PIEZO2: variants seen among roughly 807,000 people sequenced by gnomAD.
The protein encoded by PIEZO2 is piezo type mechanosensitive ion channel component 2.
A neutral mutation model predicts 337.3 loss-of-function variants in PIEZO2; 172 were observed. That is an observed-to-expected ratio of 0.51 (90% CI 0.45 to 0.58). The LOEUF is 0.58. PIEZO2 is among the 20% of genes least tolerant of loss of function. PIEZO2 has a pLI of 0.00. For synonymous variants in PIEZO2, 1,251 were observed against 1,228.5 expected (o/e 1.02, Z -0.38); for missense variants, 3,028 against 3,391.3 (o/e 0.89, Z 2.66).
At chr18:10,924,629 A>G (rs2031616718) in intron 3 of PIEZO2, among the ~76,000 whole-genome samples, 1 of 152,222 alleles carries the variant, frequency 6.6e-6, no homozygotes, top group African/African-American at 2.4e-5. Flanking sequence ...AAACAATTGC[A>G]TTTTTGCCCA....
rs2036616937 is a variant in PIEZO2 at position 11,028,500 on chromosome 18, A to T, written c.160+37627T>A. Among the ~76,000 whole-genome samples, 1 of 152,032 alleles carries T rather than the reference A, an allele frequency of 6.6e-6. No homozygotes were observed. Among genetic ancestry groups the T allele is most frequent in the South Asian group, 2.1e-4 (1 of 4,804 alleles). ...GGTCCCGAACTCCTGACCTCAGATG[A>T]TCCGCCAGCCTTGGACTCCCAAAGT... is the stretch of plus-strand genomic sequence containing the variant. On this transcript the variant is annotated intron_variant, in intron 2 of 55. Coordinates refer to ENST00000674853, the MANE Select transcript of PIEZO2 (RefSeq NM_001378183.1). This position sits in a 1 kb window ranked among gnomAD's most constrained non-coding sequence, Gnocchi z 4.8.
chr18:11,147,389 AGT>A (rs1473489447), intron 1 of PIEZO2, among the ~76,000 whole-genome samples: 1 of 152,154 alleles, frequency 6.6e-6, no homozygotes, highest in Non-Finnish European at 1.5e-5. Flanking sequence ...TCACTCACGA[AGT>A]GTGTTACAAA....
chr18:10,966,866 C>A (rs184269412), intron 3 of PIEZO2, among the ~76,000 whole-genome samples: 3 of 152,174 alleles, frequency 2.0e-5, no homozygotes, highest in East Asian at 1.9e-4. Flanking sequence ...TGAGAACATA[C>A]AATGTTTGGT....
At chr18:10,964,637 G>A (rs1392597698) in intron 3 of PIEZO2, among the ~76,000 whole-genome samples, 3 of 152,112 alleles carry the variant, frequency 2.0e-5, no homozygotes, top group Non-Finnish European at 4.4e-5. Flanking sequence ...GCAATTCAGG[G>A]CTATTACTCA....
chr18:11,011,167 T>G (rs1302516640), intron 2 of PIEZO2, among the ~76,000 whole-genome samples: 1 of 152,256 alleles, frequency 6.6e-6, no homozygotes, highest in Non-Finnish European at 1.5e-5. Flanking sequence ...ATTTTGTCTT[T>G]CTTTGATATT....
intron 47 of PIEZO2, among the ~76,000 whole-genome samples, chr18:10,694,051 T>C (rs970724553): frequency 3.3e-5 from 5 of 152,180 alleles, no homozygotes; most frequent in Non-Finnish European, 5.9e-5. Context: ...TGGGTTATTG[T>C]GTCTCTTCTG....
Position 10,853,422 on chromosome 18 carries a change from C to T in PIEZO2, c.917+1931G>A, listed in dbSNP as rs1291086571. On this transcript the variant is annotated intron_variant, in intron 7 of 55. Transcript: ENST00000674853. This position sits in a 1 kb window ranked among gnomAD's most constrained non-coding sequence, Gnocchi z 4.2. ...TCACTCATTCCTGCTCCAAAACTTG[C>T]CTCAGTCTCTCCTGCCTTATGCACC... 1.3e-5 allele frequency among the ~76,000 whole-genome samples: 2 copies of T among 152,212 alleles called. No homozygotes were observed. The highest frequency in any genetic ancestry group is 2.9e-5 in the Non-Finnish European group (2 of 68,040).
intron 17 of PIEZO2, among the ~76,000 whole-genome samples, chr18:10,782,444 A>C (rs1196077671): frequency 1.3e-5 from 1 of 76,060 alleles, no homozygotes; most frequent in Non-Finnish European, 2.4e-5. Context: ...TATATAATAT[A>C]TTATATAGTA....
At chr18:10,984,098 T>G (rs2034778917) in intron 2 of PIEZO2, among the ~76,000 whole-genome samples, 3 of 151,892 alleles carry the variant, frequency 2.0e-5, no homozygotes, top group Admixed American at 1.3e-4. Context: ...CTGGAGAAGG[T>G]GACTACTTCT....
At chr18:10,786,899 A>G in intron 16 of PIEZO2, 137 bp downstream of exon 16, 5 of 858,448 alleles carry the variant, frequency 5.8e-6, no homozygotes, top group Non-Finnish European at 8.6e-6. Context: ...AAAACGACTC[A>G]GTTTTAATTT....
At position 10,794,215 on chromosome 18, in the gene PIEZO2, G is replaced by A. The variant is rs554567656; in HGVS notation, c.1758+557C>T. Reference sequence around the variant, plus strand: ...AAATAAAACTGTTAAAATGGCCCATGAAAGCAAATAAGTAATGAGAAGAGT... The same window carrying A: ...AAATAAAACTGTTAAAATGGCCCATAAAAGCAAATAAGTAATGAGAAGAGT... On this transcript the variant is annotated intron_variant, in intron 13 of 55. Transcript: ENST00000674853. This position sits in a 1 kb window ranked among gnomAD's most constrained non-coding sequence, Gnocchi z 6.6. Among the ~76,000 whole-genome samples, 206 of 151,662 alleles carry A rather than the reference G, an allele frequency of 1.4e-3. 1 individual carries two copies. Among genetic ancestry groups the A allele is most frequent in the African/African-American group, 4.7e-3 (194 of 41,300 alleles).
rs1615665 is a variant in PIEZO2 at position 10,821,894 on chromosome 18, G to A, written c.918-14620C>T. ...TTGTTTGTAAATTTAAACGTGATTA[G>A]AGTCATTGATTACAAATGCAATAGT... is the stretch of plus-strand genomic sequence containing the variant. On this transcript the variant is annotated intron_variant, in intron 7 of 55. Coordinates refer to ENST00000674853, the MANE Select transcript of PIEZO2 (RefSeq NM_001378183.1). This position sits in a 1 kb window ranked among gnomAD's most constrained non-coding sequence, Gnocchi z 4.2. Among the ~76,000 whole-genome samples, 62,387 of 151,960 alleles carry A rather than the reference G, an allele frequency of 0.41. 13,071 individuals carry two copies. Among genetic ancestry groups the A allele is most frequent in the African/African-American group, 0.49 (20,381 of 41,424 alleles).
chr18:10,807,688 AT>A lies in PIEZO2; in HGVS notation c.918-415del, dbSNP rs559174326. On this transcript the variant is annotated intron_variant, in intron 7 of 55. Transcript: ENST00000674853. ...TACTAGTCCAGCTAAATGAGCAAAT[AT>A]TTTGTTTTTGGCTAGGTTCAGCATT... Among the ~76,000 whole-genome samples, 711 of 152,262 alleles carry A rather than the reference AT, an allele frequency of 4.7e-3. 7 individuals are homozygous for A. The highest frequency in any genetic ancestry group is 0.016 in the African/African-American group (658 of 41,558).
chr18:10,811,903 C>A (rs4530202), intron 7 of PIEZO2, among the ~76,000 whole-genome samples: 1 of 152,336 alleles, frequency 6.6e-6, no homozygotes, highest in African/African-American at 2.4e-5. Flanking sequence ...GTGCGATCTC[C>A]GCTCACTGCG....
chr18:10,807,460 T>C (rs568753010), intron 7 of PIEZO2, among the ~76,000 whole-genome samples, 186 bp from the exon 8 acceptor site: 21 of 152,272 alleles, frequency 1.4e-4, no homozygotes, highest in African/African-American at 5.1e-4. Flanking sequence ...TGGACATGTA[T>C]GTATAATATG....
intron 2 of PIEZO2, among the ~76,000 whole-genome samples, chr18:11,061,746 G>A (rs1300456529): frequency 1.3e-5 from 2 of 152,088 alleles, no homozygotes; most frequent in Non-Finnish European, 2.9e-5. Context: ...ACTGCTCAAT[G>A]AAATAAAAGA....
Position 10,682,061 on chromosome 18 carries a change from C to A in PIEZO2, c.7686+43G>T, listed in dbSNP as rs376604622. On this transcript the variant is annotated intron_variant, in intron 50 of 55. Transcript: ENST00000674853. This position sits in a 1 kb window ranked among gnomAD's most constrained non-coding sequence, Gnocchi z 5.6. ...AGACAGCTATCATAAAGGAATGTGGCGTGGGGCAAGGCTCTGGTAGGTGGG... is the reference window on the plus strand; with the variant it reads ...AGACAGCTATCATAAAGGAATGTGGAGTGGGGCAAGGCTCTGGTAGGTGGG... 2 of 1,486,870 alleles carry A rather than the reference C, an allele frequency of 1.3e-6. No homozygotes were observed. Among genetic ancestry groups the A allele is most frequent in the African/African-American group, 1.4e-5 (1 of 71,774 alleles). 92.1% of individuals were successfully genotyped at this position (1,486,870 alleles called of 1,614,324 possible). A position where few individuals can be genotyped will look rare whatever the true frequency, so the allele number is the denominator to read the frequency against.
At chr18:11,093,329 C>T (rs2039155317) in intron 1 of PIEZO2, among the ~76,000 whole-genome samples, 1 of 152,158 alleles carries the variant, frequency 6.6e-6, no homozygotes, top group Non-Finnish European at 1.5e-5. Flanking sequence ...TGAAGCAGTT[C>T]TAAAATCACT....
chr18:10,693,426 G>T (rs117298427), intron 47 of PIEZO2, among the ~76,000 whole-genome samples: 1 of 150,974 alleles, frequency 6.6e-6, no homozygotes, highest in Non-Finnish European at 1.5e-5. Context: ...CTGGAGTGCA[G>T]CAGCGCAATC....
Sources: gnomAD v4.1 joint callset for allele counts (sites outside exome capture counted in the v4.1 genomes callset) on GRCh38, gnomAD v4.1.1 for gene constraint, Gnocchi (gnomAD v3.1) non-coding constraint, MANE v1.5 for transcripts, NCBI Gene and HGNC (gene_info 2026-07-23, HGNC 2026-07-21) for gene names.